VPS13D: variants seen among roughly 807,000 people sequenced by gnomAD.
The protein encoded by VPS13D is vacuolar protein sorting 13 homolog D, also known as intermembrane lipid transfer protein VPS13D.
Under a neutral mutation model 461.9 loss-of-function variants are expected in VPS13D, and 187 were observed. The ratio of observed to expected loss-of-function variants is 0.40; its 90% confidence interval spans 0.36 to 0.46. The LOEUF (loss-of-function observed/expected upper bound fraction) is 0.46. Ranked by LOEUF, VPS13D falls within the 20% of genes least tolerant of loss-of-function variation. The pLI is 0.60. For synonymous variants in VPS13D, 1,951 were observed against 1,986.3 expected (o/e 0.98, Z 0.47); for missense variants, 4,711 against 5,364.9 (o/e 0.88, Z 3.81).
rs139440322 is a variant in VPS13D, at chr1:12,300,328, C to T, written c.6216+944C>T. ...GTTTAAGCAATTCTCCCGCCTCAGCCTCCCGATTAGCTGAGATTACAGGTA... is the reference window on the plus strand; with the variant it reads ...GTTTAAGCAATTCTCCCGCCTCAGCTTCCCGATTAGCTGAGATTACAGGTA... On this transcript the variant is annotated intron_variant, in intron 25 of 69. Transcript: ENST00000620676. Among the ~76,000 whole-genome samples the T allele has an allele frequency of 9.6e-4, 146 of 151,942 alleles. 1 individual carries two copies. The highest frequency in any genetic ancestry group is 3.1e-3 in the African/African-American group (128 of 41,412).
Position 12,509,116 on chromosome 1 carries a change from G to C in VPS13D, c.*92G>C, listed in dbSNP as rs964780986. On this transcript the variant is annotated 3_prime_UTR_variant, in exon 70 of 70. Transcript: ENST00000620676. Reference sequence around the variant, plus strand: ...CTCAGCTGACGATGGAGGCAGAACCGGAGTCGGGTTTGGGGAAGTTGTCAA... The same window carrying C: ...CTCAGCTGACGATGGAGGCAGAACCCGAGTCGGGTTTGGGGAAGTTGTCAA... 3 of 1,454,578 alleles carry C rather than the reference G, an allele frequency of 2.1e-6. No individual in the cohort carries two copies. The highest frequency in any genetic ancestry group is 2.7e-6 in the Non-Finnish European group (3 of 1,094,844). The allele number at this position is 1,454,578 out of a possible 1,614,324, so 90.1% of individuals were successfully genotyped here. A position where few individuals can be genotyped will look rare whatever the true frequency, so the allele number is the denominator to read the frequency against.
chr1:12,381,922 T>TTTTCC (rs1644279340), intron 57 of VPS13D, among the ~76,000 whole-genome samples: 5 of 101,168 alleles, frequency 4.9e-5, no homozygotes, highest in Non-Finnish European at 1.0e-4. Flanking sequence ...CTTTCTTTTC[T>TTTTCC]TTTCTTTCTT....
chr1:12,322,040 G>A (rs1643052947), intron 33 of VPS13D, 76 bp downstream of exon 33: 3 of 1,542,010 alleles, frequency 1.9e-6, no homozygotes, highest in Non-Finnish European at 2.6e-6. Context: ...TATTTGCTCT[G>A]AGCCCAACAA....
intron 60 of VPS13D, among the ~76,000 whole-genome samples, chr1:12,398,851 A>G (rs1039859652): frequency 6.6e-6 from 1 of 152,174 alleles, no homozygotes; most frequent in Admixed American, 6.5e-5. Context: ...AGCAAGAGAG[A>G]AGCATCGATA....
chr1:12,277,776 G>A lies in VPS13D; in HGVS notation c.4188G>A (p.Glu1396=), dbSNP rs1641659794. ...TCCCTCGGAAGCCGGGGAGTCCTGAGTTGTTGGTGGGACACTTGGGACAGA... is the reference window on the plus strand; with the variant it reads ...TCCCTCGGAAGCCGGGGAGTCCTGAATTGTTGGTGGGACACTTGGGACAGA... ...VSIPRKPGSP[E]LLVGHLGQIF... is the part of the protein sequence containing the mutation. Residue 1396 remains glutamate (E), a synonymous_variant, in exon 19 of 70, where the codon GAG becomes GAA. Coordinates refer to ENST00000620676, the MANE Select transcript of VPS13D (RefSeq NM_015378.4). The A allele has an allele frequency of 6.2e-7, 1 of 1,614,200 alleles. No homozygotes were observed. The highest frequency in any genetic ancestry group is 1.3e-5 in the African/African-American group (1 of 75,048).
intron 62 of VPS13D, chr1:12,402,469 GC>G (rs2101685167): frequency 6.6e-6 from 1 of 152,292 alleles, no homozygotes; most frequent in South Asian, 2.1e-4. Context: ...ATGTTTATCT[GC>G]CCATGTTGGC....
At chr1:12,422,210 G>A (rs971420479) in intron 65 of VPS13D, among the ~76,000 whole-genome samples, 1 of 152,006 alleles carries the variant, frequency 6.6e-6, no homozygotes, top group African/African-American at 2.4e-5. Flanking sequence ...TGTTTGTTTT[G>A]ATTCTGTGTT....
chr1:12,492,021 C>A (rs1645889623), intron 67 of VPS13D, among the ~76,000 whole-genome samples: 2 of 152,210 alleles, frequency 1.3e-5, no homozygotes, highest in South Asian at 4.1e-4. Flanking sequence ...ATGCTGTCGA[C>A]TAAGGAGAGG....
At chr1:12,407,621 G>A (rs775822422) in intron 63 of VPS13D, among the ~76,000 whole-genome samples, 4 of 152,172 alleles carry the variant, frequency 2.6e-5, no homozygotes, top group Non-Finnish European at 5.9e-5. Context: ...TAACCTGAAG[G>A]TGGCAGAATA....
chr1:12,343,578 T>C (rs1234409476), intron 42 of VPS13D, among the ~76,000 whole-genome samples: 1 of 152,136 alleles, frequency 6.6e-6, no homozygotes, highest in Non-Finnish European at 1.5e-5. Flanking sequence ...TCTCACTGTG[T>C]TGCCCAGGCT....
At chr1:12,297,717 G>T (rs1642314133) in intron 24 of VPS13D, among the ~76,000 whole-genome samples, 1 of 152,178 alleles carries the variant, frequency 6.6e-6, no homozygotes, top group Non-Finnish European at 1.5e-5. Flanking sequence ...AGGAATGAGT[G>T]TGTCATGCAG....
intron 21 of VPS13D, 83 bp downstream of exon 21, chr1:12,283,819 C>T: frequency 2.2e-6 from 3 of 1,358,992 alleles, no homozygotes; most frequent in Middle Eastern, 2.3e-4. Flanking sequence ...TTTACATTTA[C>T]TTTGGAAAAT....
At position 12,358,464 on chromosome 1, in the gene VPS13D, C is replaced by T. The variant is rs758734936; in HGVS notation, c.10004C>T (p.Thr3335Met). 12 of 1,613,872 alleles carry T rather than the reference C, an allele frequency of 7.4e-6. No homozygotes were observed. In the East Asian group the frequency reaches 1.3e-4, roughly 18 times the overall value. Reference protein sequence around the residue: ...YADKEQPNLCTMRIGRGIHPE... With the variant: ...YADKEQPNLCMMRIGRGIHPE... Reference sequence around the variant, plus strand: ...TTTGCTTTTCTGCCCCACAGCTGCACGATGAGAATCGGAAGGGGGATTCAT... The same window carrying T: ...TTTGCTTTTCTGCCCCACAGCTGCATGATGAGAATCGGAAGGGGGATTCAT... The change falls in exon 50 of 70, where the codon ACG becomes ATG. Residue 3335 changes from threonine to methionine, a missense_variant. Coordinates refer to ENST00000620676, the MANE Select transcript of VPS13D (RefSeq NM_015378.4).
chr1:12,265,105 A>G lies in VPS13D; in HGVS notation c.1595-1776A>G, dbSNP rs145229810. On this transcript the variant is annotated intron_variant, in intron 13 of 69. Coordinates refer to ENST00000620676, the MANE Select transcript of VPS13D (RefSeq NM_015378.4). ...GTTTACAGAAGATTTTAAGGCCACTATTGAGACCTACTGCTCAGAAAAAAA... is the reference window on the plus strand; with the variant it reads ...GTTTACAGAAGATTTTAAGGCCACTGTTGAGACCTACTGCTCAGAAAAAAA... Among the ~76,000 whole-genome samples the G allele has an allele frequency of 4.5e-4, 69 of 152,292 alleles. No homozygotes were observed. In the East Asian group the frequency reaches 0.013, roughly 29 times the overall value.
chr1:12,322,368 A>G (rs1414180745), intron 33 of VPS13D, among the ~76,000 whole-genome samples, 168 bp from the exon 34 acceptor site: 1 of 152,168 alleles, frequency 6.6e-6, no homozygotes, highest in Admixed American at 6.5e-5. Flanking sequence ...ATCTTACCTT[A>G]CGGTTATTAG....
intron 65 of VPS13D, among the ~76,000 whole-genome samples, chr1:12,443,864 T>C (rs905801174): frequency 1.3e-5 from 2 of 151,398 alleles, no homozygotes; most frequent in Non-Finnish European, 2.9e-5. Flanking sequence ...TTTTTTTTTC[T>C]TGAGATGGTC....
rs1643281453 is a variant in VPS13D, at chr1:12,329,722, GCTCTCCT to G, written c.8198-106_8198-100del. The G allele has an allele frequency of 1.6e-5, 12 of 732,496 alleles. No homozygotes were observed. In the East Asian group the frequency reaches 3.1e-4, roughly 19 times the overall value. The allele number at this position is 732,496 out of a possible 1,614,324, so 45.4% of individuals were successfully genotyped here. ...TGAACAAAGTATCAGAATGTTGTGT[GCTCTCCT>G]TTGCGAGTATTAGCTCTAATGTTTC... On this transcript the variant is annotated intron_variant, in intron 36 of 69. Coordinates refer to ENST00000620676, the MANE Select transcript of VPS13D (RefSeq NM_015378.4).
chr1:12,402,782 A>G (rs1030613803), intron 62 of VPS13D: 1 of 152,282 alleles, frequency 6.6e-6, no homozygotes, highest in Admixed American at 6.5e-5. Flanking sequence ...AAATTTTCTT[A>G]TAAGTTGCTG....
At chr1:12,308,082 T>C (rs1385428917) in intron 26 of VPS13D, among the ~76,000 whole-genome samples, 1 of 152,210 alleles carries the variant, frequency 6.6e-6, no homozygotes, top group Non-Finnish European at 1.5e-5. Context: ...GGTAGCATTG[T>C]GCGTGGGGAG....
Sources: allele counts gnomAD v4.1 joint callset (sites outside exome capture counted in the v4.1 genomes callset), GRCh38; gene constraint gnomAD v4.1.1; transcripts MANE v1.5; gene names NCBI Gene and HGNC (gene_info 2026-07-23, HGNC 2026-07-21).